The following NPAS3 variants were observed in gnomAD, a reference collection of about 807,000 sequenced individuals.
NPAS3 encodes neuronal PAS domain-containing protein 3.
A neutral mutation model predicts 73.1 loss-of-function variants in NPAS3; 14 were observed. That is an observed-to-expected ratio of 0.19 (90% CI 0.13 to 0.30). The LOEUF (loss-of-function observed/expected upper bound fraction) is 0.30, where lower values mean the gene tolerates loss of function less well. NPAS3 is among the 10% of genes least tolerant of loss of function. The pLI is 1.00. For synonymous variants in NPAS3, 620 were observed against 541.5 expected (o/e 1.14, Z -2.01); for missense variants, 1,096 against 1,250.0 (o/e 0.88, Z 1.86).
At chr14:33,412,768 A>G (rs1253991225) in intron 4 of NPAS3, among the ~76,000 whole-genome samples, 1 of 152,190 alleles carries the variant, frequency 6.6e-6, no homozygotes, top group Non-Finnish European at 1.5e-5. Flanking sequence ...GTAAAACTAT[A>G]TCATACAGTC....
chr14:33,151,487 C>T (rs2044442919), intron 2 of NPAS3, among the ~76,000 whole-genome samples: 1 of 152,212 alleles, frequency 6.6e-6, no homozygotes, highest in Non-Finnish European at 1.5e-5. Flanking sequence ...TGAGAATGTG[C>T]ATTTTCTTGT....
exon 12 of NPAS3, chr14:33,799,884 G>GCGACAGCGA: frequency 6.2e-7 from 1 of 1,614,198 alleles, no homozygotes; most frequent in Non-Finnish European, 8.5e-7. Context: ...CCGGACAGCC[G>GCGACAGCGA]CGACAGCGAC....
At chr14:33,428,219 C>G (rs1328001038) in intron 4 of NPAS3, among the ~76,000 whole-genome samples, 1 of 152,098 alleles carries the variant, frequency 6.6e-6, no homozygotes, top group Non-Finnish European at 1.5e-5. Flanking sequence ...CATTCTACCA[C>G]TTGCTACCTG....
In NPAS3 at chr14:33,455,040, C is replaced by T. The variant is rs112607488; in HGVS notation, c.468+87772C>T. Among the ~76,000 whole-genome samples, 1,026 of 152,298 alleles carry T rather than the reference C, an allele frequency of 6.7e-3. 10 individuals are homozygous for T. Among genetic ancestry groups the T allele is most frequent in the African/African-American group, 0.024 (983 of 41,552 alleles). On this transcript the variant is annotated intron_variant, in intron 4 of 11. Transcript: ENST00000356141. ...CACCAGGCAAGACAAAAGAGATAAACATTTTGTGTGCATTTTGGCAGCATG... is the reference window on the plus strand; with the variant it reads ...CACCAGGCAAGACAAAAGAGATAAATATTTTGTGTGCATTTTGGCAGCATG...
intron 2 of NPAS3, among the ~76,000 whole-genome samples, chr14:33,115,060 A>G (rs1184415982): frequency 1.3e-5 from 2 of 152,098 alleles, no homozygotes; most frequent in Non-Finnish European, 2.9e-5. Context: ...AATCTCAAGA[A>G]CAAATAATAA....
chr14:33,144,488 A>G (rs917141285), intron 2 of NPAS3, among the ~76,000 whole-genome samples: 3 of 152,240 alleles, frequency 2.0e-5, no homozygotes, highest in Non-Finnish European at 2.9e-5. Flanking sequence ...TGCATACTGC[A>G]GCATCTTTAT....
intron 5 of NPAS3, among the ~76,000 whole-genome samples, chr14:33,633,566 A>C (rs1349180186): frequency 1.3e-5 from 2 of 152,212 alleles, no homozygotes; most frequent in Non-Finnish European, 2.9e-5. Context: ...ACTGTACTGC[A>C]TACTGTAGGT....
At chr14:33,600,008 G>A (rs1202434125) in intron 5 of NPAS3, among the ~76,000 whole-genome samples, 1 of 152,160 alleles carries the variant, frequency 6.6e-6, no homozygotes, top group Non-Finnish European at 1.5e-5. Flanking sequence ...CCGTTACTTT[G>A]TAAGGTCTTG....
At chr14:33,043,016 C>T (rs1348569058) in intron 1 of NPAS3, among the ~76,000 whole-genome samples, 3 of 152,124 alleles carry the variant, frequency 2.0e-5, no homozygotes, top group African/African-American at 7.2e-5. Context: ...GCTGCTGCTT[C>T]ATAATGTAGT....
At chr14:33,535,434 A>G (rs536323735) in intron 4 of NPAS3, among the ~76,000 whole-genome samples, 3 of 152,180 alleles carry the variant, frequency 2.0e-5, no homozygotes, top group Admixed American at 6.6e-5. Flanking sequence ...AGTAACTTCT[A>G]CAACAGTCTA....
intron 5 of NPAS3, among the ~76,000 whole-genome samples, chr14:33,608,055 C>T (rs1370444090): frequency 6.6e-6 from 1 of 152,186 alleles, no homozygotes; most frequent in East Asian, 1.9e-4. Context: ...GGTGGGGACA[C>T]AGCCAAACCA....
At chr14:33,517,003 A>C (rs559221070) in intron 4 of NPAS3, among the ~76,000 whole-genome samples, 1 of 152,236 alleles carries the variant, frequency 6.6e-6, no homozygotes, top group East Asian at 1.9e-4. Context: ...GAGGCAGATG[A>C]ACAGGCTGTA....
chr14:32,963,361 AAG>A, intron 1 of NPAS3, among the ~76,000 whole-genome samples: 1 of 152,360 alleles, frequency 6.6e-6, no homozygotes, highest in Non-Finnish European at 1.5e-5. Flanking sequence ...GCTGCTAAAA[AAG>A]ATAATGGATC....
At chr14:33,332,271 C>T (rs759091346) in intron 3 of NPAS3, among the ~76,000 whole-genome samples, 46 of 151,986 alleles carry the variant, frequency 3.0e-4, no homozygotes, top group Non-Finnish European at 1.2e-4. Flanking sequence ...ATAAGTTTGC[C>T]GGCATCTCTC....
intron 2 of NPAS3, among the ~76,000 whole-genome samples, chr14:33,141,656 ATATAC>A (rs2044048734): frequency 6.6e-6 from 1 of 152,194 alleles, no homozygotes; most frequent in Admixed American, 6.5e-5. Context: ...ACATATATGG[ATATAC>A]TATAATCCTC....
chr14:33,777,025 G>C (rs2062842693), intron 8 of NPAS3, among the ~76,000 whole-genome samples: 1 of 151,964 alleles, frequency 6.6e-6, no homozygotes, highest in African/African-American at 2.4e-5. Context: ...TATTTAATTA[G>C]GGAATTGTTA....
chr14:33,112,517 GT>G (rs1259554941), intron 2 of NPAS3, among the ~76,000 whole-genome samples: 1 of 152,102 alleles, frequency 6.6e-6, no homozygotes, highest in Non-Finnish European at 1.5e-5. Context: ...TGATGGGGTT[GT>G]TTTTTTCTTG....
At chr14:33,296,960 C>A (rs976998805) in intron 3 of NPAS3, among the ~76,000 whole-genome samples, 3 of 152,196 alleles carry the variant, frequency 2.0e-5, no homozygotes, top group African/African-American at 7.2e-5. Context: ...CAGTGCTGGA[C>A]TTTATTTAAG....
chr14:33,069,211 A>G (rs977825070), intron 2 of NPAS3, among the ~76,000 whole-genome samples: 1 of 152,206 alleles, frequency 6.6e-6, no homozygotes, highest in East Asian at 1.9e-4. Context: ...CTAATGTATC[A>G]TTGACTTTGT....
Sources: gnomAD v4.1 joint callset for allele counts (sites outside exome capture counted in the v4.1 genomes callset) on GRCh38, gnomAD v4.1.1 for gene constraint, MANE v1.5 for transcripts, NCBI Gene and HGNC (gene_info 2026-07-23, HGNC 2026-07-21) for gene names.